The following GALNT5 variants were observed in gnomAD, a reference collection of about 807,000 sequenced individuals.
The protein encoded by GALNT5 is polypeptide N-acetylgalactosaminyltransferase 5, also known as UDP-GalNAc:polypeptide N-acetylgalactosaminyltransferase 5.
A neutral mutation model predicts 85.4 loss-of-function variants in GALNT5; 72 were observed. The observed-to-expected ratio is 0.84, with a 90% CI of 0.70 to 1.03. The LOEUF (loss-of-function observed/expected upper bound fraction) is 1.03. Ranked by LOEUF, GALNT5 falls within the 50% of genes least tolerant of loss-of-function variation. The pLI is 0.00. For missense variants in GALNT5, 1,137 were observed against 1,135.5 expected, an observed-to-expected ratio of 1.00 and a Z score of -0.02; for synonymous variants, 404 against 397.0, an observed-to-expected ratio of 1.02 and a Z score of -0.21.
intron 1 of GALNT5, among the ~76,000 whole-genome samples, chr2:157,277,816 T>C (rs1282558425): frequency 6.6e-6 from 1 of 152,252 alleles, no homozygotes; most frequent in Admixed American, 6.5e-5. Context: ...ATTTAGCCCA[T>C]TTACATTTAA....
intron 1 of GALNT5, among the ~76,000 whole-genome samples, chr2:157,275,051 C>T (rs912587025): frequency 3.2e-4 from 49 of 152,188 alleles, no homozygotes; most frequent in African/African-American, 1.1e-3. Context: ...CTACATATGG[C>T]TAGCCAGTTT....
At chr2:157,282,288 C>G (rs1228980758) in intron 1 of GALNT5, among the ~76,000 whole-genome samples, 8 of 151,754 alleles carry the variant, frequency 5.3e-5, no homozygotes, top group African/African-American at 1.9e-4. Flanking sequence ...AGCTCAAGTT[C>G]TTAAACTCAC....
intron 8 of GALNT5, among the ~76,000 whole-genome samples, chr2:157,307,686 C>A (rs930238415): frequency 5.9e-5 from 9 of 152,134 alleles, no homozygotes. Flanking sequence ...TTTGATCTAA[C>A]CTGATAATCA....
At chr2:157,289,153 G>A (rs899037461) in intron 3 of GALNT5, among the ~76,000 whole-genome samples, 1 of 152,106 alleles carries the variant, frequency 6.6e-6, no homozygotes, top group African/African-American at 2.4e-5. Context: ...GGAGCACAGA[G>A]TATGCTAGTA....
chr2:157,267,045 T>C (rs181947443), intron 1 of GALNT5, among the ~76,000 whole-genome samples: 12 of 152,304 alleles, frequency 7.9e-5, no homozygotes, highest in African/African-American at 2.2e-4. Context: ...AGCATGGTCA[T>C]TGACTTCAAG....
In GALNT5 at chr2:157,258,656, A is replaced by G. The variant is rs749144599; in HGVS notation, c.574A>G (p.Ser192Gly). The G allele has an allele frequency of 6.2e-7, 1 of 1,613,826 alleles. No homozygotes were observed. Among genetic ancestry groups the G allele is most frequent in the South Asian group, 1.1e-5 (1 of 91,060 alleles). Reference protein sequence around the residue: ...VKISVHMGRVSLKQEPRKSHS... With the variant: ...VKISVHMGRVGLKQEPRKSHS... ...AATATCAGTACACATGGGACGTGTC[A>G]GTTTAAAACAGGAGCCCCGGAAGAG... The change falls in exon 1 of 10, where the codon AGT becomes GGT. Residue 192 changes from serine to glycine, a missense_variant. Transcript: ENST00000259056.
Position 157,317,783 on chromosome 2 carries a change from T to C in GALNT5, c.*6435T>C, listed in dbSNP as rs1184461468. ...TACTAGAGATCATCATTTGATTTTG[T>C]AGTTTGCCATGTTCTGAGTGAGTTC... On this transcript the variant is annotated 3_prime_UTR_variant, in exon 10 of 10. Transcript: ENST00000259056. Among the ~76,000 whole-genome samples the C allele has an allele frequency of 6.6e-6, 1 of 152,158 alleles. No individual in the cohort carries two copies. Among genetic ancestry groups the C allele is most frequent in the Non-Finnish European group, 1.5e-5 (1 of 67,998 alleles).
intron 5 of GALNT5, 111 bp from the exon 6 acceptor site, chr2:157,299,437 G>A: frequency 3.1e-6 from 2 of 652,320 alleles, no homozygotes; most frequent in South Asian, 1.9e-5. Flanking sequence ...CCTGCATCAG[G>A]TAGCTATTCT....
rs1288089376 is a variant in GALNT5, at chr2:157,317,198, AT to A, written c.*5861del. ...TGTATATATATATATATATATATAT[AT>A]TTTTTTTTTTGATGCTTTGATCTGG... On this transcript the variant is annotated 3_prime_UTR_variant, in exon 10 of 10. Coordinates refer to ENST00000259056, the MANE Select transcript of GALNT5 (RefSeq NM_014568.3). Among the ~76,000 whole-genome samples, 946 of 132,970 alleles carry A rather than the reference AT, an allele frequency of 7.1e-3. 8 individuals are homozygous for A. Among genetic ancestry groups the A allele is most frequent in the East Asian group, 0.022 (100 of 4,636 alleles). The allele number at this position is 132,970 out of a possible 152,430, so 87.2% of individuals were successfully genotyped here. A position where few individuals can be genotyped will look rare whatever the true frequency, so the allele number is the denominator to read the frequency against.
chr2:157,287,998 G>C (rs909438505), intron 3 of GALNT5, among the ~76,000 whole-genome samples: 1 of 152,128 alleles, frequency 6.6e-6, no homozygotes, highest in Non-Finnish European at 1.5e-5. Context: ...TCTAGCCAGT[G>C]GTAAATCCAA....
At chr2:157,274,015 C>T (rs1682660433) in intron 1 of GALNT5, among the ~76,000 whole-genome samples, 2 of 152,130 alleles carry the variant, frequency 1.3e-5, no homozygotes, top group South Asian at 4.2e-4. Flanking sequence ...TGATGTTCCC[C>T]ACCTTGTGTC....
At chr2:157,272,430 G>T (rs1217359515) in intron 1 of GALNT5, among the ~76,000 whole-genome samples, 1 of 152,066 alleles carries the variant, frequency 6.6e-6, no homozygotes, top group Non-Finnish European at 1.5e-5. Context: ...TTGTTACAGG[G>T]TATATTGCAT....
intron 1 of GALNT5, 77 bp from the exon 2 acceptor site, chr2:157,284,205 C>T (rs2289942): frequency 0.2 from 227,615 of 1,161,446 alleles, 24,738 homozygotes; most frequent in East Asian, 0.47. Flanking sequence ...TGCACACCAT[C>T]GCACTCTGTG....
chr2:157,286,447 A>G (rs1175502928), intron 3 of GALNT5, among the ~76,000 whole-genome samples: 1 of 152,190 alleles, frequency 6.6e-6, no homozygotes, highest in African/African-American at 2.4e-5. Context: ...ATAACTAAAT[A>G]TAATACCTAC....
rs1262250765 is a variant in GALNT5, at chr2:157,317,185, T to C, written c.*5837T>C. 7.2e-6 allele frequency among the ~76,000 whole-genome samples: 1 copy of C among 138,810 alleles called. No homozygotes were observed. Among genetic ancestry groups the C allele is most frequent in the Non-Finnish European group, 1.5e-5 (1 of 65,262 alleles). 91.1% of individuals were successfully genotyped at this position (138,810 alleles called of 152,430 possible). On this transcript the variant is annotated 3_prime_UTR_variant, in exon 10 of 10. Transcript: ENST00000259056. ...TACTGTATGTGTGTGTATATATATA[T>C]ATATATATATATATTTTTTTTTTTG...
intron 1 of GALNT5, among the ~76,000 whole-genome samples, chr2:157,264,636 A>G (rs1682420151): frequency 1.3e-5 from 2 of 152,176 alleles, no homozygotes; most frequent in African/African-American, 4.8e-5. Context: ...AGATAGCACC[A>G]TGCATTTGCC....
Position 157,306,126 on chromosome 2 carries a change from C to T in GALNT5, c.2520+297C>T, listed in dbSNP as rs578207917. Among the ~76,000 whole-genome samples the T allele has an allele frequency of 5.9e-5, 9 of 152,260 alleles. No individual in the cohort carries two copies. In the East Asian group the frequency reaches 9.6e-4, roughly 16 times the overall value. On this transcript the variant is annotated intron_variant, in intron 8 of 9. Transcript: ENST00000259056. ...TAAATGGTAGTGATAATCATGCCTA[C>T]TTTTAGAACTGGTGTGAGGCTGGAG...
intron 1 of GALNT5, among the ~76,000 whole-genome samples, chr2:157,259,811 T>G (rs545689196): frequency 2.0e-5 from 3 of 152,380 alleles, no homozygotes; most frequent in Non-Finnish European, 4.4e-5. Flanking sequence ...AATGATTAGA[T>G]GAACTCAGTT....
In GALNT5 at chr2:157,317,198, A is replaced by ATATTTTT. The variant is rs1292694926; in HGVS notation, c.*5851_*5852insATTTTTT. Among the ~76,000 whole-genome samples the ATATTTTT allele has an allele frequency of 5.9e-4, 79 of 132,972 alleles. No individual in the cohort carries two copies. In the East Asian group the frequency reaches 0.016, roughly 27 times the overall value. The allele number at this position is 132,972 out of a possible 152,430, so 87.2% of individuals were successfully genotyped here. A position where few individuals can be genotyped will look rare whatever the true frequency, so the allele number is the denominator to read the frequency against. On this transcript the variant is annotated 3_prime_UTR_variant, in exon 10 of 10. Coordinates refer to ENST00000259056, the MANE Select transcript of GALNT5 (RefSeq NM_014568.3). ...TGTATATATATATATATATATATAT[A>ATATTTTT]TTTTTTTTTTTGATGCTTTGATCTG...
Sources: gnomAD v4.1 joint callset for allele counts (sites outside exome capture counted in the v4.1 genomes callset) on GRCh38, gnomAD v4.1.1 for gene constraint, MANE v1.5 for transcripts, NCBI Gene and HGNC (gene_info 2026-07-23, HGNC 2026-07-21) for gene names.